Variants in CCNY observed in about 807,000 individuals in gnomAD.
The protein encoded by CCNY is cyclin Y.
Under a neutral mutation model 42.8 loss-of-function variants are expected in CCNY, and 19 were observed. The ratio of observed to expected loss-of-function variants is 0.44; its 90% CI spans 0.31 to 0.65. The LOEUF (loss-of-function observed/expected upper bound fraction) is 0.65, where lower values mean the gene tolerates loss of function less well. Ranked by LOEUF, CCNY falls within the 30% of genes least tolerant of loss-of-function variation. The pLI is 0.07. For missense variants in CCNY, 370 were observed against 437.3 expected (o/e 0.85, Z 1.37); for synonymous variants, 165 against 162.7 (o/e 1.01, Z -0.11).
intron 3 of CCNY, among the ~76,000 whole-genome samples, chr10:35,295,659 T>G (rs567094963): frequency 6.6e-6 from 1 of 152,206 alleles, no homozygotes; most frequent in Non-Finnish European, 1.5e-5. Context: ...TGTCATTTTG[T>G]GTCTGGCTTA....
intron 2 of CCNY, among the ~76,000 whole-genome samples, chr10:35,484,854 T>G (rs578170415): frequency 1.2e-3 from 184 of 152,342 alleles, no homozygotes; most frequent in Non-Finnish European, 2.1e-3. Flanking sequence ...GCTAACAAGA[T>G]TCCCATGAAA....
intron 1 of CCNY, among the ~76,000 whole-genome samples, chr10:35,443,154 G>A (rs1838711476): frequency 6.6e-6 from 1 of 152,192 alleles, no homozygotes; most frequent in Non-Finnish European, 1.5e-5. Context: ...GCAAGTGGGT[G>A]GAGAGTGACT....
intron 3 of CCNY, among the ~76,000 whole-genome samples, chr10:35,504,149 A>G (rs577344339): frequency 5.9e-5 from 9 of 152,376 alleles, no homozygotes; most frequent in African/African-American, 2.2e-4. Context: ...TAACCTACAA[A>G]GAGGCTACTA....
At chr10:35,398,704 A>AAAAAC (rs144634481) in intron 1 of CCNY, among the ~76,000 whole-genome samples, 2,068 of 152,316 alleles carry the variant, frequency 0.014, 37 homozygotes, top group East Asian at 0.055. Context: ...GTTTTTGTCT[A>AAAAAC]AAAACAAAAC....
chr10:35,340,193 G>T (rs558712999), intron 1 of CCNY, among the ~76,000 whole-genome samples: 1 of 152,166 alleles, frequency 6.6e-6, no homozygotes, highest in South Asian at 2.1e-4. Flanking sequence ...CCAATACATG[G>T]CAAATGGAAA....
In CCNY at chr10:35,458,688, C is replaced by T. The variant is rs564992555; in HGVS notation, c.155-24716C>T. On this transcript the variant is annotated intron_variant, in intron 1 of 9. Transcript: ENST00000374704. ...TTACCTTCCGCATCTGTAGCCTCAG[C>T]TGTGTAGAATGCCAGGGACATGTGA... 5.8e-4 allele frequency among the ~76,000 whole-genome samples: 89 copies of T among 152,290 alleles called. 1 individual carries two copies. In the South Asian group the frequency reaches 0.015, roughly 26 times the overall value.
At chr10:35,539,368 T>G (rs1840949918) in intron 7 of CCNY, among the ~76,000 whole-genome samples, 1 of 152,226 alleles carries the variant, frequency 6.6e-6, no homozygotes, top group Non-Finnish European at 1.5e-5. Context: ...TATTGCAGTC[T>G]TAGCAATATT....
intron 2 of CCNY, among the ~76,000 whole-genome samples, chr10:35,491,283 G>A (rs552946821): frequency 3.3e-4 from 50 of 152,262 alleles, no homozygotes; most frequent in African/African-American, 1.2e-3. Context: ...ATTGACAATG[G>A]ACACACCTGT....
intron 7 of CCNY, among the ~76,000 whole-genome samples, chr10:35,546,657 C>G (rs1841121848): frequency 6.6e-6 from 1 of 152,200 alleles, no homozygotes; most frequent in Non-Finnish European, 1.5e-5. Context: ...TGCCTTATCT[C>G]CCAATATAGC....
intron 1 of CCNY, among the ~76,000 whole-genome samples, chr10:35,405,037 G>A (rs1347049805): frequency 2.0e-5 from 3 of 152,172 alleles, no homozygotes; most frequent in Non-Finnish European, 4.4e-5. Context: ...GGGAGGTATT[G>A]AGGATAGGAG....
chr10:35,562,921 C>T (rs1286238399), intron 8 of CCNY, among the ~76,000 whole-genome samples: 2 of 150,360 alleles, frequency 1.3e-5, no homozygotes, highest in African/African-American at 2.5e-5. Context: ...TGAATTGTAC[C>T]AAATTGGGTT....
chr10:35,275,192 T>G (rs1036868076), intron 3 of CCNY, among the ~76,000 whole-genome samples: 2 of 146,806 alleles, frequency 1.4e-5, no homozygotes, highest in Admixed American at 7.0e-5. Flanking sequence ...GCCTCCCAAA[T>G]AGCTGGGATT....
chr10:35,336,624 G>C lies in CCNY; in HGVS notation c.-430G>C, dbSNP rs1397209293. Among the ~76,000 whole-genome samples the C allele has an allele frequency of 2.0e-5, 3 of 148,206 alleles. No individual in the cohort carries two copies. Among genetic ancestry groups the C allele is most frequent in the South Asian group, 2.1e-4 (1 of 4,796 alleles). On this transcript the variant is annotated 5_prime_UTR_variant, in exon 1 of 10. Coordinates refer to ENST00000374704, the MANE Select transcript of CCNY (RefSeq NM_145012.6). ...TCCGGCGCGGACACGCGTGCCCCCG[G>C]CTTGAACCGGAACCTCTTGCCGAGG...
At chr10:35,483,736 T>C (rs572865784) in intron 2 of CCNY, among the ~76,000 whole-genome samples, 2 of 152,368 alleles carry the variant, frequency 1.3e-5, no homozygotes, top group African/African-American at 4.8e-5. Flanking sequence ...CATGGGAGTT[T>C]CTGCCCTAAG....
chr10:35,527,935 C>T (rs1425932011), intron 5 of CCNY, among the ~76,000 whole-genome samples: 2 of 152,212 alleles, frequency 1.3e-5, no homozygotes, highest in African/African-American at 4.8e-5. Context: ...CAGTCTACTT[C>T]TCAGAGGATT....
chr10:35,253,790 A>C (rs957645180), intron 3 of CCNY, among the ~76,000 whole-genome samples: 5 of 152,190 alleles, frequency 3.3e-5, no homozygotes, highest in African/African-American at 1.2e-4. Context: ...ATTAGAAGCC[A>C]AGGAAAATCA....
intron 1 of CCNY, among the ~76,000 whole-genome samples, chr10:35,395,330 G>A (rs1001793263): frequency 6.6e-6 from 1 of 152,180 alleles, no homozygotes; most frequent in Non-Finnish European, 1.5e-5. Context: ...TATTGCAGTA[G>A]GGGAGGAGAG....
In CCNY at chr10:35,444,285, G is replaced by C. The variant is rs558964153; in HGVS notation, c.155-39119G>C. On this transcript the variant is annotated intron_variant, in intron 1 of 9. Transcript: ENST00000374704. ...TTTTTTGGAGACGGAGTCTTGCTCT[G>C]CCATCCAGGCTGGAGTGCAGTGCGT... Among the ~76,000 whole-genome samples, 11 of 141,578 alleles carry C rather than the reference G, an allele frequency of 7.8e-5. No homozygotes were observed. The East Asian group carries it at 2.3e-3, about 29-fold the overall frequency. 92.9% of individuals were successfully genotyped at this position (141,578 alleles called of 152,430 possible). A position where few individuals can be genotyped will look rare whatever the true frequency, so the allele number is the denominator to read the frequency against.
At chr10:35,496,067 A>G (rs1449688433) in intron 2 of CCNY, among the ~76,000 whole-genome samples, 2 of 152,248 alleles carry the variant, frequency 1.3e-5, no homozygotes, top group African/African-American at 2.4e-5. Flanking sequence ...TTTCTTTTCA[A>G]CCAGATCTTT....
Sources: allele counts gnomAD v4.1 joint callset (sites outside exome capture counted in the v4.1 genomes callset), GRCh38; gene constraint gnomAD v4.1.1; transcripts MANE v1.5; gene names NCBI Gene and HGNC (gene_info 2026-07-23, HGNC 2026-07-21).